The following HENMT1 variants were observed in gnomAD, a reference collection of about 807,000 sequenced individuals.
HENMT1 encodes the protein small RNA 2'-O-methyltransferase.
In HENMT1, 27 loss-of-function variants were observed where a neutral mutation model predicts 31.1. That is an observed-to-expected ratio of 0.87 (90% CI 0.64 to 1.20). The LOEUF is 1.20. HENMT1 is among the 50% of genes most tolerant of loss of function. The pLI, the probability that HENMT1 is intolerant of heterozygous loss-of-function variation, is 0.00. For synonymous variants in HENMT1, 167 were observed against 172.2 expected (o/e 0.97, Z 0.24); for missense variants, 438 against 469.6 (o/e 0.93, Z 0.62).
chr1:108,651,874 C>T (rs1658068394), intron 5 of HENMT1, among the ~76,000 whole-genome samples: 1 of 152,100 alleles, frequency 6.6e-6, no homozygotes, highest in Non-Finnish European at 1.5e-5. Flanking sequence ...TCTATGGCCT[C>T]ATTATCAATA....
chr1:108,649,360 G>C (rs1477681278), intron 7 of HENMT1: 1 of 461,142 alleles, frequency 2.2e-6, no homozygotes, highest in Admixed American at 2.3e-5. Context: ...CAGCATTTTA[G>C]GAAGATGGGG....
chr1:108,650,395 C>A lies in HENMT1; in HGVS notation c.579-7G>T. 7 of 1,604,854 alleles carry A rather than the reference C, an allele frequency of 4.4e-6. No individual in the cohort carries two copies. Among genetic ancestry groups the A allele is most frequent in the Non-Finnish European group, 5.9e-6 (7 of 1,176,652 alleles). On this transcript the variant is annotated splice_region_variant and splice_polypyrimidine_tract_variant and intron_variant, in intron 6 of 7. Transcript: ENST00000651461. ...ATTTGCCACATATAAAGCCCTGAAA[C>A]CAAAACGAGGACAGCAATCATTTTT...
At chr1:108,654,435 G>C (rs1361278237) in intron 5 of HENMT1, among the ~76,000 whole-genome samples, 1 of 152,206 alleles carries the variant, frequency 6.6e-6, no homozygotes, top group Admixed American at 6.5e-5. Context: ...GTGAACAGGA[G>C]AGGGAGGGTG....
intron 5 of HENMT1, among the ~76,000 whole-genome samples, chr1:108,653,775 T>C (rs1441141806): frequency 2.6e-5 from 4 of 152,220 alleles, no homozygotes; most frequent in African/African-American, 9.6e-5. Context: ...TGGGGTTTTT[T>C]TGCTGTTGAG....
intron 5 of HENMT1, among the ~76,000 whole-genome samples, chr1:108,654,034 CGTT>C (rs1658139848): frequency 6.6e-6 from 1 of 152,294 alleles, no homozygotes; most frequent in African/African-American, 2.4e-5. Flanking sequence ...GCAATTAACT[CGTT>C]AATCCATCTT....
intron 1 of HENMT1, among the ~76,000 whole-genome samples, chr1:108,660,717 G>A (rs1388709379): frequency 6.6e-6 from 1 of 151,992 alleles, no homozygotes; most frequent in East Asian, 1.9e-4. Context: ...GAGGTCAGGA[G>A]ATCGAGACCA....
intron 4 of HENMT1, 45 bp from the exon 5 acceptor site, chr1:108,654,895 A>T: frequency 6.3e-7 from 1 of 1,592,316 alleles, no homozygotes; most frequent in Non-Finnish European, 8.6e-7. Context: ...TTATCTATTT[A>T]AAAATTCTCA....
chr1:108,651,808 ACCC>A (rs745322240), intron 5 of HENMT1, among the ~76,000 whole-genome samples: 2 of 151,784 alleles, frequency 1.3e-5, no homozygotes, highest in Middle Eastern at 3.4e-3. Context: ...ATCCTTTCCT[ACCC>A]CCCAACTCCA....
At position 108,648,902 on chromosome 1, in the gene HENMT1, TA is replaced by T; in HGVS notation, c.845del (p.Leu282Ter). The T allele has an allele frequency of 6.2e-7, 1 of 1,614,214 alleles. No individual in the cohort carries two copies. Among genetic ancestry groups the T allele is most frequent in the Non-Finnish European group, 8.5e-7 (1 of 1,180,020 alleles). ...TCCGCCTTGGCAGGTGGCTCACTCT[TA>T]AGCTTTCCACTTGTTGGGACACCTC... is the stretch of plus-strand genomic sequence containing the variant. ...VNEVSQQVES[L>X]RVSHLPRRKE... On this transcript the variant is annotated frameshift_variant, in exon 8 of 8. Transcript: ENST00000651461. LOFTEE classifies it low-confidence loss of function (END_TRUNC).
At chr1:108,654,158 G>A (rs1237136673) in intron 5 of HENMT1, among the ~76,000 whole-genome samples, 1 of 152,126 alleles carries the variant, frequency 6.6e-6, no homozygotes, top group East Asian at 1.9e-4. Context: ...GCCAATGTAT[G>A]TTCTTGGTGT....
At chr1:108,650,446 A>G in intron 6 of HENMT1, 58 bp from the exon 7 acceptor site, 1 of 1,461,892 alleles carries the variant, frequency 6.8e-7, no homozygotes, top group South Asian at 1.2e-5. Context: ...CTGTTAAATA[A>G]GGAACCATTT....
At chr1:108,655,730 CAT>C (rs1412695191) in intron 3 of HENMT1, 32 bp from the exon 4 acceptor site, 1 of 1,450,074 alleles carries the variant, frequency 6.9e-7, no homozygotes, top group Non-Finnish European at 9.6e-7. Flanking sequence ...ATTTCAAAGA[CAT>C]TTATAGCAAG....
At chr1:108,653,939 T>C (rs1338700559) in intron 5 of HENMT1, among the ~76,000 whole-genome samples, 2 of 152,220 alleles carry the variant, frequency 1.3e-5, no homozygotes, top group South Asian at 2.1e-4. Flanking sequence ...GCCTGTGCTT[T>C]TGTAGTCTTA....
chr1:108,657,498 G>T lies in HENMT1; in HGVS notation c.103C>A (p.Arg35=). ...ACTAAATTTTTAACGAACTGGTACC[G>T]CTGTCTGTATAGTGGAGGTTTAAAC... ...IQFKPPLYRQ[R]YQFVKNLVDQ... The change falls in exon 3 of 8, where the codon CGG becomes AGG. Residue 35 remains arginine, a synonymous_variant. Coordinates refer to ENST00000651461, the MANE Select transcript of HENMT1 (RefSeq NM_001102592.2). The T allele has an allele frequency of 1.2e-6, 2 of 1,609,158 alleles. No individual in the cohort carries two copies. The highest frequency in any genetic ancestry group is 1.7e-6 in the Non-Finnish European group (2 of 1,175,928).
At position 108,657,561 on chromosome 1, in the gene HENMT1, C is replaced by T. The variant is rs760699119; in HGVS notation, c.40G>A (p.Gly14Ser). ...TCCCTGGGAACTTCTTCAAAATTAC[C>T]GTCAACCACACTACTGCACTGAAGT... ...NNLQCSSVVD[G>S]NFEEVPRETA... Residue 14 changes from glycine (G) to serine (S), a missense_variant, in exon 3 of 8, where the codon GGT (glycine) becomes AGT (serine). Transcript: ENST00000651461. 5.0e-6 allele frequency: 8 copies of T among 1,613,364 alleles called. No homozygotes were observed. Among genetic ancestry groups the T allele is most frequent in the East Asian group, 4.5e-5 (2 of 44,840 alleles).
At chr1:108,657,383 G>A in intron 3 of HENMT1, 68 bp downstream of exon 3, 1 of 1,175,646 alleles carries the variant, frequency 8.5e-7, no homozygotes, top group African/African-American at 1.5e-5. Flanking sequence ...TAATCCATTT[G>A]ACAAAACACC....
chr1:108,658,882 A>G (rs1658351200), intron 2 of HENMT1, among the ~76,000 whole-genome samples: 1 of 152,252 alleles, frequency 6.6e-6, no homozygotes, highest in South Asian at 2.1e-4. Context: ...CCTATACAGC[A>G]GTATTATAAA....
Position 108,650,208 on chromosome 1 carries a change from C to CA in HENMT1, c.756+2dup. 1 of 1,613,398 alleles carries CA rather than the reference C, an allele frequency of 6.2e-7. No individual in the cohort carries two copies. The highest frequency in any genetic ancestry group is 2.2e-5 in the East Asian group (1 of 44,880). On this transcript the variant is annotated splice_region_variant and intron_variant, in intron 7 of 7. Coordinates refer to ENST00000651461, the MANE Select transcript of HENMT1 (RefSeq NM_001102592.2). Reference sequence around the variant, plus strand: ...TGATAGCTATCTCACAAAGAATACTCACAGCTTTATAAACATGCTGATCAT... The same window carrying CA: ...TGATAGCTATCTCACAAAGAATACTCAACAGCTTTATAAACATGCTGATCAT...
chr1:108,660,688 G>A (rs1471070430), intron 1 of HENMT1, among the ~76,000 whole-genome samples: 1 of 152,102 alleles, frequency 6.6e-6, no homozygotes, highest in Non-Finnish European at 1.5e-5. Context: ...ACTTTGGGAG[G>A]CCGAGGCGGG....
Sources: allele counts gnomAD v4.1 joint callset (sites outside exome capture counted in the v4.1 genomes callset), GRCh38; gene constraint gnomAD v4.1.1; transcripts MANE v1.5; gene names NCBI Gene and HGNC (gene_info 2026-07-23, HGNC 2026-07-21).